The following TRIM4 variants were observed in gnomAD, a reference collection of about 807,000 sequenced individuals.
The protein encoded by TRIM4 is tripartite motif containing 4.
Under a neutral mutation model 33.7 loss-of-function variants are expected in TRIM4, and 29 were observed. The observed-to-expected ratio is 0.86, with a 90% CI of 0.64 to 1.17. The LOEUF is 1.17. TRIM4 is among the 50% of genes most tolerant of loss of function. TRIM4 has a pLI of 0.00. For missense variants in TRIM4, 554 were observed against 593.7 expected (o/e 0.93, Z 0.69); for synonymous variants, 224 against 233.0 (o/e 0.96, Z 0.35).
chr7:99,898,766 G>A lies in TRIM4; in HGVS notation c.841+4452C>T, dbSNP rs928158277. On this transcript the variant is annotated intron_variant, in intron 5 of 5. Coordinates refer to ENST00000349062, the MANE Select transcript of TRIM4 (RefSeq NM_033091.3). ...CCCTGGATATCTTAACTGCTGCCCT[G>A]GGTGGAAGCTGCACATTAATTAAAA... Among the ~76,000 whole-genome samples the A allele has an allele frequency of 2.0e-5, 3 of 152,158 alleles. No individual in the cohort carries two copies. In the East Asian group the frequency reaches 5.8e-4, roughly 29 times the overall value.
chr7:99,900,434 C>G (rs1377633787), intron 5 of TRIM4, among the ~76,000 whole-genome samples: 3 of 152,208 alleles, frequency 2.0e-5, no homozygotes, highest in African/African-American at 7.2e-5. Context: ...TATCTGGGCA[C>G]TCTGTGGCCC....
intron 5 of TRIM4, among the ~76,000 whole-genome samples, chr7:99,893,974 T>C (rs1283772276): frequency 6.6e-6 from 1 of 152,022 alleles, no homozygotes; most frequent in Non-Finnish European, 1.5e-5. Flanking sequence ...TTCCTTTTTT[T>C]TTTTTTTTTA....
At chr7:99,917,696 G>T in intron 1 of TRIM4, 1 of 599,584 alleles carries the variant, frequency 1.7e-6, no homozygotes, top group Non-Finnish European at 2.1e-6. Flanking sequence ...TCCAGCCTGG[G>T]CAACAAGAGC....
intron 5 of TRIM4, 61 bp from the exon 6 acceptor site, chr7:99,892,807 GC>G: frequency 7.2e-7 from 1 of 1,389,008 alleles, no homozygotes; most frequent in Non-Finnish European, 9.8e-7. Context: ...CCCCAGAAAT[GC>G]CCATCTTTTC....
At chr7:99,906,226 T>C (rs573855786) in intron 3 of TRIM4, among the ~76,000 whole-genome samples, 10 of 152,246 alleles carry the variant, frequency 6.6e-5, no homozygotes, top group Admixed American at 2.0e-4. Flanking sequence ...GAGGTACTGA[T>C]TGGGGACATG....
chr7:99,901,466 G>A (rs904501808), intron 5 of TRIM4: 1 of 152,148 alleles, frequency 6.6e-6, no homozygotes, highest in Non-Finnish European at 1.5e-5. Context: ...CAGACATTGT[G>A]AATTTATATT....
chr7:99,911,115 A>G (rs1819431520), intron 1 of TRIM4, among the ~76,000 whole-genome samples: 1 of 152,212 alleles, frequency 6.6e-6, no homozygotes, highest in African/African-American at 2.4e-5. Context: ...TATGTTAGCA[A>G]TTAGAGTTGG....
Position 99,891,690 on chromosome 7 carries a change from A to G in TRIM4, c.*473T>C, listed in dbSNP as rs369025688. 6.3e-6 allele frequency: 1 copy of G among 157,650 alleles called. No homozygotes were observed. The highest frequency in any genetic ancestry group is 2.4e-5 in the African/African-American group (1 of 41,496). The allele number at this position is 157,650 out of a possible 1,614,324, so 9.8% of individuals were successfully genotyped here. ...CGGGATGTTCACACTACGTCCCTTT[A>G]GTGCAGTTACGGTACTTCAGGCTGC... On this transcript the variant is annotated 3_prime_UTR_variant, in exon 6 of 6. Coordinates refer to ENST00000349062, the MANE Select transcript of TRIM4 (RefSeq NM_033091.3).
chr7:99,900,103 A>G (rs942799690), intron 5 of TRIM4, among the ~76,000 whole-genome samples: 1 of 152,168 alleles, frequency 6.6e-6, no homozygotes, highest in African/African-American at 2.4e-5. Context: ...AAGATTTAAT[A>G]TAAGGAACTG....
chr7:99,914,672 A>C (rs1819513012), intron 1 of TRIM4, among the ~76,000 whole-genome samples: 1 of 151,908 alleles, frequency 6.6e-6, no homozygotes, highest in African/African-American at 2.4e-5. Flanking sequence ...AAACATATCC[A>C]GCTCTCCCCC....
chr7:99,907,021 T>A (rs1329637711), intron 3 of TRIM4, among the ~76,000 whole-genome samples: 3 of 152,090 alleles, frequency 2.0e-5, no homozygotes, highest in Non-Finnish European at 4.4e-5. Context: ...GGGGTAAAAG[T>A]AAAGGAAATC....
chr7:99,910,740 T>C (rs1322462977), intron 1 of TRIM4, among the ~76,000 whole-genome samples: 2 of 152,240 alleles, frequency 1.3e-5, no homozygotes, highest in African/African-American at 4.8e-5. Flanking sequence ...AAGTGGCATA[T>C]GCCATTTTTG....
chr7:99,894,228 A>C (rs984709863), intron 5 of TRIM4, among the ~76,000 whole-genome samples: 2 of 152,108 alleles, frequency 1.3e-5, no homozygotes, highest in African/African-American at 4.8e-5. Flanking sequence ...TTCTCTTGTG[A>C]CGTCTTTGTC....
intron 5 of TRIM4, among the ~76,000 whole-genome samples, chr7:99,895,542 A>G (rs1448711777): frequency 6.6e-6 from 1 of 152,240 alleles, no homozygotes; most frequent in Non-Finnish European, 1.5e-5. Context: ...AGAGTGTTCT[A>G]TAAATAATGG....
intron 5 of TRIM4, among the ~76,000 whole-genome samples, chr7:99,896,085 TTC>T (rs1273300083): frequency 4.6e-5 from 7 of 152,330 alleles, no homozygotes; most frequent in Non-Finnish European, 7.3e-5. Context: ...ATATGTTTTC[TTC>T]TTTTTCTGCC....
intron 5 of TRIM4, chr7:99,901,907 A>G (rs934789498): frequency 1.7e-6 from 1 of 590,826 alleles, no homozygotes; most frequent in African/African-American, 1.9e-5. Context: ...GATACTGCCC[A>G]GTACTTTGCG....
At chr7:99,903,147 C>A in intron 5 of TRIM4, 71 bp downstream of exon 5, 1 of 1,212,312 alleles carries the variant, frequency 8.2e-7, no homozygotes, top group East Asian at 2.3e-5. Flanking sequence ...TCTTTCCTCT[C>A]CAGACTTCTC....
intron 5 of TRIM4, among the ~76,000 whole-genome samples, chr7:99,898,741 C>T (rs1313874898): frequency 6.6e-6 from 1 of 152,156 alleles, no homozygotes; most frequent in African/African-American, 2.4e-5. Context: ...AATCGCATGG[C>T]CCTGGATATC....
rs1386631476 is a variant in TRIM4 at position 99,891,424 on chromosome 7, CA to C, written c.*738del. On this transcript the variant is annotated 3_prime_UTR_variant, in exon 6 of 6. Transcript: ENST00000349062. ...AACATTCTCATGATGACATGAATAA[CA>C]CTGTACATACAACATACCAACTTGA... 6.6e-6 allele frequency: 1 copy of C among 152,208 alleles called. No homozygotes were observed. The highest frequency in any genetic ancestry group is 1.9e-4 in the East Asian group (1 of 5,198). 9.4% of individuals were successfully genotyped at this position (152,208 alleles called of 1,614,324 possible).
Sources: gnomAD v4.1 joint callset for allele counts (sites outside exome capture counted in the v4.1 genomes callset) on GRCh38, gnomAD v4.1.1 for gene constraint, MANE v1.5 for transcripts, NCBI Gene and HGNC (gene_info 2026-07-23, HGNC 2026-07-21) for gene names.